Variants in CA10 observed in about 807,000 individuals in gnomAD.
The protein encoded by CA10 is carbonic anhydrase 10 (inactive).
A neutral mutation model predicts 44.2 loss-of-function variants in CA10; 14 were observed. That is an observed-to-expected ratio of 0.32 (90% CI 0.21 to 0.50). CA10 has a LOEUF of 0.50. CA10 is among the 20% of genes least tolerant of loss of function. CA10 has a pLI of 0.99. For synonymous variants in CA10, 159 were observed against 141.6 expected (o/e 1.12, Z -0.87); for missense variants, 350 against 409.7 (o/e 0.85, Z 1.26).
chr17:51,704,391 A>T (rs952047136), intron 4 of CA10, among the ~76,000 whole-genome samples: 2 of 152,224 alleles, frequency 1.3e-5, no homozygotes, highest in African/African-American at 4.8e-5. Flanking sequence ...TTGGTTTGAG[A>T]GTTGACTTTG....
intron 1 of CA10, among the ~76,000 whole-genome samples, chr17:52,153,666 A>G (rs1338530830): frequency 6.6e-6 from 1 of 152,158 alleles, no homozygotes; most frequent in African/African-American, 2.4e-5. Context: ...TTTGTGCTCA[A>G]TGTTATAGAT....
At chr17:51,743,617 A>G (rs1366685935) in intron 4 of CA10, among the ~76,000 whole-genome samples, 1 of 152,250 alleles carries the variant, frequency 6.6e-6, no homozygotes, top group Non-Finnish European at 1.5e-5. Flanking sequence ...TCACTAGACA[A>G]GACTGCAATT....
intron 2 of CA10, among the ~76,000 whole-genome samples, chr17:52,049,923 G>A (rs978813789): frequency 2.0e-5 from 3 of 151,986 alleles, no homozygotes; most frequent in Admixed American, 6.6e-5. Context: ...ACAAATACTC[G>A]CCATTATGCC....
chr17:51,756,186 G>A (rs1011122450), intron 3 of CA10, among the ~76,000 whole-genome samples: 10 of 151,964 alleles, frequency 6.6e-5, no homozygotes, highest in African/African-American at 9.7e-5. Flanking sequence ...CCACAACAGC[G>A]GCTTGACTGT....
intron 2 of CA10, among the ~76,000 whole-genome samples, chr17:51,973,108 G>A (rs1984339560): frequency 6.6e-6 from 1 of 152,130 alleles, no homozygotes; most frequent in Non-Finnish European, 1.5e-5. Flanking sequence ...ACAGAGTAAT[G>A]AATACCAGAT....
chr17:51,792,134 T>C (rs1046071183), intron 3 of CA10, among the ~76,000 whole-genome samples: 1 of 152,160 alleles, frequency 6.6e-6, no homozygotes, highest in African/African-American at 2.4e-5. Context: ...TCACAGGTAA[T>C]TCTCATAGAA....
At chr17:52,129,970 CT>C (rs1989197724) in intron 1 of CA10, among the ~76,000 whole-genome samples, 1 of 152,074 alleles carries the variant, frequency 6.6e-6, no homozygotes, top group Non-Finnish European at 1.5e-5. Context: ...AAACAACTCA[CT>C]TTAAAAATAG....
At chr17:52,065,192 T>G (rs1987500088) in intron 2 of CA10, among the ~76,000 whole-genome samples, 1 of 152,234 alleles carries the variant, frequency 6.6e-6, no homozygotes, top group Admixed American at 6.5e-5. Flanking sequence ...ACGTCCTTCC[T>G]TAGCTTAGCT....
At chr17:51,664,229 A>G (rs1220406525) in intron 4 of CA10, among the ~76,000 whole-genome samples, 2 of 152,228 alleles carry the variant, frequency 1.3e-5, no homozygotes, top group African/African-American at 4.8e-5. Flanking sequence ...GTTGGTCTAG[A>G]TGGGTTTATA....
chr17:52,011,624 C>T (rs1183452456), intron 2 of CA10, among the ~76,000 whole-genome samples: 2 of 151,926 alleles, frequency 1.3e-5, no homozygotes, highest in African/African-American at 4.8e-5. Context: ...TACCAATGCT[C>T]TGTAACATGG....
intron 1 of CA10, among the ~76,000 whole-genome samples, chr17:52,085,384 C>T (rs746670746): frequency 2.0e-5 from 3 of 152,218 alleles, no homozygotes; most frequent in Admixed American, 1.3e-4. Flanking sequence ...GTGTCCATGT[C>T]GTCTTTCACT....
chr17:51,980,327 T>G (rs1984611252), intron 2 of CA10, among the ~76,000 whole-genome samples: 1 of 152,186 alleles, frequency 6.6e-6, no homozygotes, highest in African/African-American at 2.4e-5. Flanking sequence ...TATGTGTGTC[T>G]TCTTTTGAAA....
At chr17:51,797,581 C>T (rs930293461) in intron 3 of CA10, among the ~76,000 whole-genome samples, 7 of 152,184 alleles carry the variant, frequency 4.6e-5, no homozygotes, top group African/African-American at 1.7e-4. Context: ...AGAGGCCAGG[C>T]GCAGTGGCTC....
chr17:52,103,896 T>G (rs766471612), intron 1 of CA10, among the ~76,000 whole-genome samples: 23 of 152,202 alleles, frequency 1.5e-4, no homozygotes, highest in Non-Finnish European at 2.8e-4. Flanking sequence ...TGTTTCCACA[T>G]GGGCAGACTG....
At chr17:52,040,907 GAA>G (rs1986750586) in intron 2 of CA10, among the ~76,000 whole-genome samples, 1 of 152,006 alleles carries the variant, frequency 6.6e-6, no homozygotes, top group Non-Finnish European at 1.5e-5. Flanking sequence ...GGAGAAAACT[GAA>G]AAGAGGTAAT....
intron 2 of CA10, among the ~76,000 whole-genome samples, chr17:52,024,734 C>T (rs1986246719): frequency 1.3e-5 from 2 of 151,918 alleles, no homozygotes; most frequent in African/African-American, 4.8e-5. Flanking sequence ...AAATGATAAT[C>T]ATGAATAATT....
intron 1 of CA10, among the ~76,000 whole-genome samples, chr17:52,117,908 T>C (rs9889332): frequency 0.64 from 97,503 of 152,156 alleles, 33,855 homozygotes; most frequent in African/African-American, 0.91. Context: ...ATTAATCTTG[T>C]AAAAGAAATT....
intron 1 of CA10, among the ~76,000 whole-genome samples, chr17:52,122,641 T>C (rs1470920355): frequency 6.6e-6 from 1 of 152,170 alleles, no homozygotes; most frequent in Non-Finnish European, 1.5e-5. Context: ...TGATATAGCC[T>C]TCCATAATAT....
chr17:52,031,916 G>A (rs964460360), intron 2 of CA10, among the ~76,000 whole-genome samples: 2 of 152,050 alleles, frequency 1.3e-5, no homozygotes, highest in Non-Finnish European at 2.9e-5. Flanking sequence ...CATATTTAGG[G>A]CAATACAGAA....
Sources: gnomAD v4.1 joint callset for allele counts (sites outside exome capture counted in the v4.1 genomes callset) on GRCh38, gnomAD v4.1.1 for gene constraint, MANE v1.5 for transcripts, NCBI Gene and HGNC (gene_info 2026-07-23, HGNC 2026-07-21) for gene names.